The following KIF13A variants were observed in gnomAD, a reference collection of about 807,000 sequenced individuals.
KIF13A encodes kinesin family member 13A, also known as kinesin-like protein KIF13A.
In KIF13A, 79 loss-of-function variants were observed where a neutral mutation model predicts 212.2. The ratio of observed to expected loss-of-function variants is 0.37; its 90% CI spans 0.31 to 0.45. KIF13A has a LOEUF of 0.45. Among genes scored for constraint, KIF13A ranks in the 20% least tolerant of loss-of-function variants. KIF13A has a pLI of 1.00. For synonymous variants in KIF13A, 789 were observed against 808.6 expected (o/e 0.98, Z 0.41); for missense variants, 1,901 against 2,209.0 (o/e 0.86, Z 2.79).
rs1418884448 is a variant in KIF13A at position 17,967,847 on chromosome 6, C to A, written c.146+19207G>T. 6.6e-6 allele frequency among the ~76,000 whole-genome samples: 1 copy of A among 152,132 alleles called. No homozygotes were observed. Among genetic ancestry groups the A allele is most frequent in the Non-Finnish European group, 1.5e-5 (1 of 68,032 alleles). ...TCACAAGTAACTTGTTAATAAGGTG[C>A]TCATTAAGTAAGTCTGTAAAAGCTT... On this transcript the variant is annotated intron_variant, in intron 2 of 38. Transcript: ENST00000259711. This position sits in a 1 kb window ranked among gnomAD's most constrained non-coding sequence, Gnocchi z 4.1.
At chr6:17,803,293 G>C (rs1310668777) in intron 20 of KIF13A, among the ~76,000 whole-genome samples, 1 of 151,972 alleles carries the variant, frequency 6.6e-6, no homozygotes, top group African/African-American at 2.4e-5. Context: ...TGTTGACCAG[G>C]CTGGTTTCAG....
At chr6:17,817,615 A>C (rs1006213106) in intron 16 of KIF13A, among the ~76,000 whole-genome samples, 3 of 152,202 alleles carry the variant, frequency 2.0e-5, no homozygotes, top group Non-Finnish European at 4.4e-5. Context: ...AGCACATAAG[A>C]TTTGATCTTT....
At chr6:17,812,879 T>TGTGAGATGGTA (rs1763555584) in intron 17 of KIF13A, among the ~76,000 whole-genome samples, 4 of 152,234 alleles carry the variant, frequency 2.6e-5, no homozygotes, top group Non-Finnish European at 4.4e-5. Flanking sequence ...TTCTGACTGG[T>TGTGAGATGGTA]GTGAGATGGT....
intron 2 of KIF13A, among the ~76,000 whole-genome samples, chr6:17,929,561 C>T (rs373409517): frequency 3.3e-4 from 50 of 152,002 alleles, no homozygotes; most frequent in African/African-American, 1.1e-3. Flanking sequence ...CCACCATGCC[C>T]GGCTAATTTT....
intron 7 of KIF13A, among the ~76,000 whole-genome samples, chr6:17,851,492 T>TA (rs1767645666): frequency 6.6e-6 from 1 of 152,166 alleles, no homozygotes; most frequent in African/African-American, 2.4e-5. Flanking sequence ...TAACAAGGCA[T>TA]ATAAGTCAAA....
intron 2 of KIF13A, among the ~76,000 whole-genome samples, chr6:17,930,809 T>C (rs1351369445): frequency 2.6e-5 from 4 of 152,232 alleles, no homozygotes; most frequent in African/African-American, 7.2e-5. Context: ...CACTTGATCA[T>C]TGTGAAAATC....
chr6:17,793,129 G>A (rs1761736252), intron 25 of KIF13A, among the ~76,000 whole-genome samples: 1 of 152,134 alleles, frequency 6.6e-6, no homozygotes, highest in African/African-American at 2.4e-5. Flanking sequence ...ACCCAGGCTG[G>A]AGTGCAGTGG....
At chr6:17,916,191 C>T (rs1206459997) in intron 2 of KIF13A, among the ~76,000 whole-genome samples, 1 of 152,144 alleles carries the variant, frequency 6.6e-6, no homozygotes, top group Non-Finnish European at 1.5e-5. Flanking sequence ...CATTAAAAAT[C>T]TTCATTGTGG....
intron 17 of KIF13A, chr6:17,812,152 CT>C (rs1289038338): frequency 6.6e-6 from 1 of 152,184 alleles, no homozygotes; most frequent in East Asian, 1.9e-4. Context: ...AAACCACCTT[CT>C]TTATCAGATA....
At chr6:17,977,681 CTG>C (rs1466213750) in intron 2 of KIF13A, among the ~76,000 whole-genome samples, 1 of 152,120 alleles carries the variant, frequency 6.6e-6, no homozygotes, top group Non-Finnish European at 1.5e-5. Context: ...ATAAGAATAA[CTG>C]ATTTGTTTTT....
intron 2 of KIF13A, among the ~76,000 whole-genome samples, chr6:17,932,694 G>A (rs978707501): frequency 1.2e-4 from 18 of 151,976 alleles, no homozygotes; most frequent in African/African-American, 3.9e-4. Context: ...CTACTGTACA[G>A]ATTCCAGAAA....
rs1762331895 is a variant in KIF13A at position 17,799,761 on chromosome 6, T to C, written c.2616+191A>G. 6.6e-6 allele frequency among the ~76,000 whole-genome samples: 1 copy of C among 152,220 alleles called. No homozygotes were observed. The highest frequency in any genetic ancestry group is 1.5e-5 in the Non-Finnish European group (1 of 68,038). On this transcript the variant is annotated intron_variant, in intron 21 of 38. Transcript: ENST00000259711. This position sits in a 1 kb window ranked among gnomAD's most constrained non-coding sequence, Gnocchi z 4.4. ...TTGCATGTCAAATACATAAACACTT[T>C]TGAAATTTGATGCAACTGTCATAAG...
rs72839137 is a variant in KIF13A, at chr6:17,963,858, A to G, written c.146+23196T>C. Among the ~76,000 whole-genome samples the G allele has an allele frequency of 3.6e-4, 55 of 152,262 alleles. No homozygotes were observed. Among genetic ancestry groups the G allele is most frequent in the Non-Finnish European group, 4.0e-4 (27 of 68,012 alleles). ...GCGTGAGCCACCATGCCTGGCCAAT[A>G]TGTTCTATATCTTAATGGTGATAGT... On this transcript the variant is annotated intron_variant, in intron 2 of 38. Coordinates refer to ENST00000259711, the MANE Select transcript of KIF13A (RefSeq NM_022113.6). The surrounding 1 kb of genome is among the most constrained non-coding windows in gnomAD (Gnocchi z 4.1).
At chr6:17,827,072 A>T (rs182105016) in intron 14 of KIF13A, among the ~76,000 whole-genome samples, 3,932 of 141,076 alleles carry the variant, frequency 0.028, 74 homozygotes, top group South Asian at 0.066. Context: ...AAAATAAATT[A>T]AAAAAAAAAT....
chr6:17,924,680 T>C lies in KIF13A; in HGVS notation c.147-26500A>G, dbSNP rs1775347540. On this transcript the variant is annotated intron_variant, in intron 2 of 38. Transcript: ENST00000259711. The stretch of plus-strand genomic sequence containing the variant: ...GCAACAGAACAAGGACAAAGAGTTA[T>C]AGGAAGGACGGCATGATAAGCCGAG... Among the ~76,000 whole-genome samples, 5 of 152,124 alleles carry C rather than the reference T, an allele frequency of 3.3e-5. No individual in the cohort carries two copies. The South Asian group carries it at 1.0e-3, about 32-fold the overall frequency.
chr6:17,851,135 A>C (rs1767600642), intron 7 of KIF13A, among the ~76,000 whole-genome samples: 1 of 152,196 alleles, frequency 6.6e-6, no homozygotes, highest in Admixed American at 6.5e-5. Flanking sequence ...TCAGTGAAGG[A>C]GCTGAGTTAG....
intron 18 of KIF13A, among the ~76,000 whole-genome samples, chr6:17,806,270 T>C (rs907436455): frequency 6.6e-6 from 1 of 152,160 alleles, no homozygotes; most frequent in African/African-American, 2.4e-5. Flanking sequence ...AGCAGTGTCC[T>C]TAGCATTTGG....
Position 17,816,945 on chromosome 6 carries a change from G to A in KIF13A, c.2000+75C>T. On this transcript the variant is annotated intron_variant, in intron 17 of 38. Coordinates refer to ENST00000259711, the MANE Select transcript of KIF13A (RefSeq NM_022113.6). This position sits in a 1 kb window ranked among gnomAD's most constrained non-coding sequence, Gnocchi z 4.3. Reference sequence around the variant, plus strand: ...TTGTTGCTAGGTTTGTCCCTGACATGTCTCAAAAACCCCTCCCTCAAAGAC... The same window carrying A: ...TTGTTGCTAGGTTTGTCCCTGACATATCTCAAAAACCCCTCCCTCAAAGAC... The A allele has an allele frequency of 8.4e-7, 1 of 1,190,002 alleles. No homozygotes were observed. The highest frequency in any genetic ancestry group is 1.2e-6 in the Non-Finnish European group (1 of 849,634). 73.7% of individuals were successfully genotyped at this position (1,190,002 alleles called of 1,614,324 possible). A position where few individuals can be genotyped will look rare whatever the true frequency, so the allele number is the denominator to read the frequency against.
intron 25 of KIF13A, among the ~76,000 whole-genome samples, chr6:17,791,792 C>T (rs377405691): frequency 2.7e-5 from 4 of 148,696 alleles, no homozygotes; most frequent in South Asian, 4.3e-4. Flanking sequence ...CCCAGCTACT[C>T]GGGAGGCTGA....
Sources: gnomAD v4.1 joint callset for allele counts (sites outside exome capture counted in the v4.1 genomes callset) on GRCh38, gnomAD v4.1.1 for gene constraint, Gnocchi (gnomAD v3.1) non-coding constraint, MANE v1.5 for transcripts, NCBI Gene and HGNC (gene_info 2026-07-23, HGNC 2026-07-21) for gene names.